Variants in IMMP2L observed in about 807,000 individuals in gnomAD.
IMMP2L encodes the protein inner mitochondrial membrane peptidase subunit 2.
Under a neutral mutation model 19.3 loss-of-function variants are expected in IMMP2L, and 18 were observed. The observed-to-expected ratio is 0.93, with a 90% confidence interval of 0.64 to 1.38. The LOEUF (loss-of-function observed/expected upper bound fraction) is 1.38. Among genes scored for constraint, IMMP2L ranks in the 40% most tolerant of loss-of-function variants. The probability of loss-of-function intolerance (pLI) is 0.00; values close to 1 mark genes in which losing one functional copy is unlikely to be tolerated. For missense variants in IMMP2L, 233 were observed against 218.2 expected, an observed-to-expected ratio of 1.07 and a Z score of -0.43; for synonymous variants, 76 against 73.0, an observed-to-expected ratio of 1.04 and a Z score of -0.21.
At chr7:111,499,036 T>A (rs533397038) in intron 2 of IMMP2L, among the ~76,000 whole-genome samples, 3 of 152,280 alleles carry the variant, frequency 2.0e-5, no homozygotes, top group South Asian at 2.1e-4. Context: ...CAAAAATCAT[T>A]TATTGGTTCA....
intron 3 of IMMP2L, among the ~76,000 whole-genome samples, chr7:111,437,431 A>T (rs1837289975): frequency 1.3e-5 from 2 of 151,860 alleles, no homozygotes; most frequent in South Asian, 2.1e-4. Context: ...GGGCAACAAG[A>T]GCGAAACTAC....
At chr7:111,045,924 C>G (rs549490407) in intron 3 of IMMP2L, among the ~76,000 whole-genome samples, 2 of 152,146 alleles carry the variant, frequency 1.3e-5, no homozygotes, top group Non-Finnish European at 2.9e-5. Context: ...AAAAACCTCC[C>G]ACCCAAGATA....
intron 3 of IMMP2L, among the ~76,000 whole-genome samples, chr7:111,114,955 C>T (rs1269762745): frequency 6.6e-6 from 1 of 152,028 alleles, no homozygotes; most frequent in African/African-American, 2.4e-5. Flanking sequence ...ATTTTACAGA[C>T]AGGCATCACC....
At chr7:110,970,365 T>C (rs1214428921) in intron 3 of IMMP2L, among the ~76,000 whole-genome samples, 4 of 152,112 alleles carry the variant, frequency 2.6e-5, no homozygotes, top group Admixed American at 2.6e-4. Flanking sequence ...TCTAGAATAA[T>C]TTGTATGTAA....
chr7:110,921,271 G>A (rs1319171464), intron 4 of IMMP2L, among the ~76,000 whole-genome samples: 1 of 152,116 alleles, frequency 6.6e-6, no homozygotes, highest in African/African-American at 2.4e-5. Context: ...AACTGAAGGT[G>A]GTTCCTTACC....
chr7:111,243,198 C>G (rs1396471359), intron 3 of IMMP2L, among the ~76,000 whole-genome samples: 1 of 151,882 alleles, frequency 6.6e-6, no homozygotes, highest in Non-Finnish European at 1.5e-5. Flanking sequence ...CAATCATTCC[C>G]AAGATACATA....
At chr7:111,263,707 C>T (rs181275944) in intron 3 of IMMP2L, among the ~76,000 whole-genome samples, 1 of 152,100 alleles carries the variant, frequency 6.6e-6, no homozygotes, top group African/African-American at 2.4e-5. Flanking sequence ...TGAACTGATA[C>T]CTAGGGTGCT....
chr7:110,802,121 T>C (rs1042810645), intron 5 of IMMP2L, among the ~76,000 whole-genome samples: 4 of 152,106 alleles, frequency 2.6e-5, no homozygotes, highest in Admixed American at 6.6e-5. Context: ...ATCCAAGTCA[T>C]TGATCTTGGT....
intron 3 of IMMP2L, among the ~76,000 whole-genome samples, chr7:111,357,187 A>G (rs1421126384): frequency 6.6e-6 from 1 of 152,164 alleles, no homozygotes; most frequent in Non-Finnish European, 1.5e-5. Flanking sequence ...GGCTAAATAC[A>G]CACATCTGTG....
At chr7:110,720,305 A>C (rs1285448217) in intron 5 of IMMP2L, among the ~76,000 whole-genome samples, 1 of 152,212 alleles carries the variant, frequency 6.6e-6, no homozygotes, top group Non-Finnish European at 1.5e-5. Flanking sequence ...AAGGATAAAG[A>C]GTCAGAGCCC....
At chr7:111,322,315 C>T (rs982960225) in intron 3 of IMMP2L, among the ~76,000 whole-genome samples, 2 of 151,752 alleles carry the variant, frequency 1.3e-5, no homozygotes, top group African/African-American at 2.4e-5. Flanking sequence ...TTATTGAGGT[C>T]GAATTGACCC....
At chr7:110,678,644 A>C (rs562011317) in intron 5 of IMMP2L, among the ~76,000 whole-genome samples, 5 of 152,250 alleles carry the variant, frequency 3.3e-5, no homozygotes, top group South Asian at 4.1e-4. Context: ...CATGCTAGAC[A>C]TACAAAGGAG....
intron 3 of IMMP2L, among the ~76,000 whole-genome samples, chr7:111,110,889 G>A (rs1799116129): frequency 6.6e-6 from 1 of 151,954 alleles, no homozygotes; most frequent in South Asian, 2.1e-4. Context: ...GACTGTGAAG[G>A]GAAAATTTCT....
In IMMP2L at chr7:111,487,234, T is replaced by C; in HGVS notation, c.239+4A>G. On this transcript the variant is annotated splice_donor_region_variant and intron_variant, in intron 3 of 5. Coordinates refer to ENST00000405709, the MANE Select transcript of IMMP2L (RefSeq NM_032549.4). The stretch of plus-strand genomic sequence containing the variant: ...CAAATATAGTATGCTTCTGAGTTAC[T>C]TACACCAATGATACAATGTCACCAC... 2 of 1,390,944 alleles carry C rather than the reference T, an allele frequency of 1.4e-6. No homozygotes were observed. Among genetic ancestry groups the C allele is most frequent in the Non-Finnish European group, 2.0e-6 (2 of 977,808 alleles). The allele number at this position is 1,390,944 out of a possible 1,614,324, so 86.2% of individuals were successfully genotyped here. A position where few individuals can be genotyped will look rare whatever the true frequency, so the allele number is the denominator to read the frequency against.
At chr7:111,100,978 C>T (rs967083382) in intron 3 of IMMP2L, among the ~76,000 whole-genome samples, 1 of 151,334 alleles carries the variant, frequency 6.6e-6, no homozygotes, top group Admixed American at 6.6e-5. Flanking sequence ...AGATGATGAA[C>T]ATTTATAAGT....
At chr7:110,769,113 A>G (rs764057224) in intron 5 of IMMP2L, among the ~76,000 whole-genome samples, 9 of 152,196 alleles carry the variant, frequency 5.9e-5, no homozygotes, top group Admixed American at 1.3e-4. Context: ...TCTTTTGAAT[A>G]CATTTTCATT....
At chr7:111,393,962 C>T (rs1832631510) in intron 3 of IMMP2L, among the ~76,000 whole-genome samples, 2 of 152,036 alleles carry the variant, frequency 1.3e-5, no homozygotes, top group South Asian at 4.2e-4. Context: ...TTCAAAATTT[C>T]CTCCTTTATT....
At chr7:110,861,589 A>G (rs2129542811) in intron 5 of IMMP2L, among the ~76,000 whole-genome samples, 1 of 152,060 alleles carries the variant, frequency 6.6e-6, no homozygotes, top group East Asian at 1.9e-4. Flanking sequence ...TTAATCCGGA[A>G]AGGTTTAATA....
In IMMP2L at chr7:110,680,355, T is replaced by G. The variant is rs569377549; in HGVS notation, c.409-16634A>C. 1.1e-4 allele frequency among the ~76,000 whole-genome samples: 17 copies of G among 152,274 alleles called. No individual in the cohort carries two copies. In the South Asian group the frequency reaches 3.5e-3, roughly 32 times the overall value. On this transcript the variant is annotated intron_variant, in intron 5 of 5. Transcript: ENST00000405709. ...GCAAGTGAATGATGAGCTAGATGAG[T>G]GATCCACTCCACTCTGCCTGTCTCC...
Sources: allele counts gnomAD v4.1 joint callset (sites outside exome capture counted in the v4.1 genomes callset), GRCh38; gene constraint gnomAD v4.1.1; transcripts MANE v1.5; gene names NCBI Gene and HGNC (gene_info 2026-07-23, HGNC 2026-07-21).